ASPH: variants seen among roughly 807,000 people sequenced by gnomAD.
ASPH encodes the protein aspartyl/asparaginyl beta-hydroxylase.
In ASPH, 100 loss-of-function variants were observed where a neutral mutation model predicts 118.4. The ratio of observed to expected loss-of-function variants is 0.84; its 90% CI spans 0.72 to 1.00. The LOEUF (loss-of-function observed/expected upper bound fraction) is 1.00. ASPH is among the 50% of genes least tolerant of loss of function. ASPH has a pLI of 0.00. For synonymous variants in ASPH, 315 were observed against 325.6 expected (o/e 0.97, Z 0.35); for missense variants, 920 against 919.5 (o/e 1.00, Z -0.01).
intron 1 of ASPH, among the ~76,000 whole-genome samples, chr8:61,685,594 A>C (rs1016728671): frequency 2.6e-5 from 4 of 152,122 alleles, no homozygotes; most frequent in African/African-American, 9.7e-5. Context: ...CAGCGGCTCA[A>C]GTCAAGAATA....
chr8:61,702,877 G>A (rs542898435), intron 1 of ASPH, among the ~76,000 whole-genome samples: 44 of 152,102 alleles, frequency 2.9e-4, no homozygotes, highest in Non-Finnish European at 6.0e-4. Flanking sequence ...ATATCAATAG[G>A]TGCAGAGAAA....
rs1018504522 is a variant in ASPH at position 61,629,259 on chromosome 8, T to G, written c.934+4424A>C. The stretch of plus-strand genomic sequence containing the variant: ...CATAAACTAACTTTTAAAATTCTTT[T>G]CTGGCAGGGTATAACAGAAAAATAG... On this transcript the variant is annotated intron_variant, in intron 13 of 24. Transcript: ENST00000379454. Among the ~76,000 whole-genome samples the G allele has an allele frequency of 3.2e-4, 49 of 152,240 alleles. 1 individual carries two copies. The highest frequency in any genetic ancestry group is 8.8e-5 in the Non-Finnish European group (6 of 68,038).
intron 3 of ASPH, among the ~76,000 whole-genome samples, chr8:61,670,234 A>T (rs955736277): frequency 4.0e-5 from 6 of 151,438 alleles, no homozygotes; most frequent in Non-Finnish European, 7.4e-5. Flanking sequence ...AGAAAAAAAA[A>T]TTTTTTTTTG....
intron 12 of ASPH, 106 bp from the exon 13 acceptor site, chr8:61,633,833 A>G (rs2150794465): frequency 1.3e-6 from 1 of 756,360 alleles, no homozygotes; most frequent in East Asian, 3.1e-5. Flanking sequence ...GATTTTTTAA[A>G]CAATTCAATT....
chr8:61,521,955 A>G (rs951943215), intron 22 of ASPH, among the ~76,000 whole-genome samples: 2 of 151,942 alleles, frequency 1.3e-5, no homozygotes, highest in African/African-American at 4.8e-5. Context: ...CACTGCGTTG[A>G]GAAGGACTTA....
chr8:61,579,702 C>A (rs1587570042), intron 15 of ASPH: 2 of 1,147,982 alleles, frequency 1.7e-6, no homozygotes, highest in Non-Finnish European at 2.6e-6. Context: ...CAGCCTACCC[C>A]TCCTGCGCTG....
intron 19 of ASPH, among the ~76,000 whole-genome samples, chr8:61,554,868 C>T (rs1304793586): frequency 6.6e-6 from 1 of 152,204 alleles, no homozygotes; most frequent in African/African-American, 2.4e-5. Flanking sequence ...TGTGCCACCA[C>T]ATCTGGTTGA....
At chr8:61,679,942 T>TAAA (rs1334197757) in intron 3 of ASPH, among the ~76,000 whole-genome samples, 34 of 67,684 alleles carry the variant, frequency 5.0e-4, no homozygotes, top group African/African-American at 1.7e-3. Context: ...TGGGCAATAA[T>TAAA]AAAAAAAAAA....
At chr8:61,662,027 T>G (rs1183937815) in intron 3 of ASPH, 1 of 361,862 alleles carries the variant, frequency 2.8e-6, no homozygotes, top group Non-Finnish European at 5.0e-6. Context: ...ACGAAGCCAT[T>G]AGAAAATGAA....
intron 13 of ASPH, among the ~76,000 whole-genome samples, chr8:61,632,484 C>A (rs1460145987): frequency 6.6e-6 from 1 of 152,138 alleles, no homozygotes; most frequent in Non-Finnish European, 1.5e-5. Context: ...AAGCAGTATT[C>A]AAAAATGAAA....
At chr8:61,552,896 TA>T in intron 20 of ASPH, 134 bp downstream of exon 20, 1 of 678,326 alleles carries the variant, frequency 1.5e-6, no homozygotes, top group South Asian at 2.3e-5. Flanking sequence ...ATAGTTTAAG[TA>T]ACTAAATAGT....
chr8:61,685,863 G>A (rs764971725), intron 1 of ASPH, among the ~76,000 whole-genome samples: 22 of 150,654 alleles, frequency 1.5e-4, no homozygotes, highest in Non-Finnish European at 2.8e-4. Flanking sequence ...ATCTCGGCTC[G>A]GTTCAAGGGA....
At chr8:61,620,184 C>T (rs1043301777) in intron 13 of ASPH, among the ~76,000 whole-genome samples, 6 of 152,164 alleles carry the variant, frequency 3.9e-5, no homozygotes, top group Admixed American at 2.0e-4. Flanking sequence ...TGAAATCTAG[C>T]GTGCCAGGCT....
chr8:61,591,275 A>T, intron 14 of ASPH, among the ~76,000 whole-genome samples: 1 of 152,232 alleles, frequency 6.6e-6, no homozygotes, highest in East Asian at 1.9e-4. Context: ...GCTGTCTTTT[A>T]AAAAATGAGA....
intron 17 of ASPH, among the ~76,000 whole-genome samples, chr8:61,566,296 A>G (rs1175691045): frequency 6.6e-6 from 1 of 152,202 alleles, no homozygotes; most frequent in East Asian, 1.9e-4. Flanking sequence ...AGATGTGGAA[A>G]TAGCAAGATA....
intron 24 of ASPH, chr8:61,516,897 T>C (rs1167487213): frequency 6.6e-6 from 1 of 152,230 alleles, no homozygotes; most frequent in Non-Finnish European, 1.5e-5. Flanking sequence ...TCCCGACTGA[T>C]ACCAGAACAT....
chr8:61,567,867 GT>G (rs1832264335), intron 16 of ASPH, among the ~76,000 whole-genome samples: 1 of 152,226 alleles, frequency 6.6e-6, no homozygotes, highest in Non-Finnish European at 1.5e-5. Context: ...AGGCTTAGGA[GT>G]GCTGGGTAGG....
At chr8:61,544,943 A>C (rs556040116) in intron 21 of ASPH, among the ~76,000 whole-genome samples, 2 of 152,330 alleles carry the variant, frequency 1.3e-5, no homozygotes, top group East Asian at 3.9e-4. Flanking sequence ...TTGGCTGTGA[A>C]GGATATATGA....
intron 22 of ASPH, among the ~76,000 whole-genome samples, chr8:61,518,991 G>C (rs1411941432): frequency 6.6e-6 from 1 of 152,180 alleles, no homozygotes; most frequent in Non-Finnish European, 1.5e-5. Context: ...ACATGGAGAC[G>C]ACAGTATCAC....
Sources: allele counts gnomAD v4.1 joint callset (sites outside exome capture counted in the v4.1 genomes callset), GRCh38; gene constraint gnomAD v4.1.1; transcripts MANE v1.5; gene names NCBI Gene and HGNC (gene_info 2026-07-23, HGNC 2026-07-21).